Variants in RALYL observed in about 807,000 individuals in gnomAD.
RALYL encodes the protein RALY RNA binding protein like, also known as RNA-binding Raly-like protein.
In RALYL, 29 loss-of-function variants were observed where a neutral mutation model predicts 35.1. That is an observed-to-expected ratio of 0.83 (90% CI 0.61 to 1.13). The LOEUF (loss-of-function observed/expected upper bound fraction) is 1.13. RALYL is among the 50% of genes most tolerant of loss of function. RALYL has a pLI of 0.00. For missense variants in RALYL, 359 were observed against 360.4 expected, an observed-to-expected ratio of 1.00 and a Z score of 0.03; for synonymous variants, 120 against 127.6, an observed-to-expected ratio of 0.94 and a Z score of 0.40.
At chr8:84,326,466 G>A (rs1304202646) in intron 1 of RALYL, among the ~76,000 whole-genome samples, 1 of 152,102 alleles carries the variant, frequency 6.6e-6, no homozygotes, top group Admixed American at 6.5e-5. Flanking sequence ...TAACTTTCCT[G>A]AATTGAAGTA....
At chr8:84,640,226 A>T (rs78490290) in intron 2 of RALYL, among the ~76,000 whole-genome samples, 2 of 152,066 alleles carry the variant, frequency 1.3e-5, no homozygotes, top group Non-Finnish European at 2.9e-5. Flanking sequence ...ACAGGAGGTT[A>T]CATAGATGTA....
chr8:84,902,743 C>T (rs1490330891), intron 8 of RALYL, among the ~76,000 whole-genome samples: 2 of 152,154 alleles, frequency 1.3e-5, no homozygotes, highest in Non-Finnish European at 2.9e-5. Flanking sequence ...AGCCAAATCA[C>T]TGAGTCTCTG....
intron 2 of RALYL, among the ~76,000 whole-genome samples, chr8:84,674,066 G>T (rs1473188329): frequency 6.6e-6 from 1 of 151,964 alleles, no homozygotes; most frequent in East Asian, 1.9e-4. Context: ...GTGGTTTGTA[G>T]TTCACTTTGT....
At chr8:84,252,537 A>G (rs1469924493) in intron 1 of RALYL, among the ~76,000 whole-genome samples, 1 of 152,180 alleles carries the variant, frequency 6.6e-6, no homozygotes, top group Non-Finnish European at 1.5e-5. Flanking sequence ...AGGCATTCAT[A>G]TTCAACTATG....
At chr8:84,792,341 C>A (rs551813927) in intron 3 of RALYL, among the ~76,000 whole-genome samples, 1 of 152,080 alleles carries the variant, frequency 6.6e-6, no homozygotes, top group Non-Finnish European at 1.5e-5. Flanking sequence ...GGCCACCCAG[C>A]GGCCAATCTC....
At chr8:84,271,466 TTGTGTG>T (rs60994368) in intron 1 of RALYL, among the ~76,000 whole-genome samples, 4 of 143,562 alleles carry the variant, frequency 2.8e-5, no homozygotes, top group Non-Finnish European at 4.6e-5. Flanking sequence ...TAGAAAATAG[TTGTGTG>T]TGTGTGTGTG....
chr8:84,262,958 GT>G (rs1414689130), intron 1 of RALYL, among the ~76,000 whole-genome samples: 2 of 152,074 alleles, frequency 1.3e-5, no homozygotes, highest in Non-Finnish European at 2.9e-5. Flanking sequence ...AGTGTCTCTA[GT>G]TTTTTAATAA....
intron 2 of RALYL, among the ~76,000 whole-genome samples, chr8:84,674,422 T>C (rs1833820584): frequency 6.6e-6 from 1 of 152,156 alleles, no homozygotes; most frequent in Non-Finnish European, 1.5e-5. Context: ...TGAATAGAAA[T>C]GGTGAGAGAG....
intron 2 of RALYL, among the ~76,000 whole-genome samples, chr8:84,664,330 G>A (rs558372821): frequency 6.0e-5 from 7 of 116,444 alleles, no homozygotes; most frequent in South Asian, 5.2e-4. Context: ...TTTTGGTTCC[G>A]TATGAATTTT....
At chr8:84,623,459 AC>A (rs1313929248) in intron 2 of RALYL, among the ~76,000 whole-genome samples, 1 of 150,498 alleles carries the variant, frequency 6.6e-6, no homozygotes, top group Non-Finnish European at 1.5e-5. Context: ...AAAATATTTT[AC>A]CCCTTAGGTC....
intron 1 of RALYL, among the ~76,000 whole-genome samples, chr8:84,470,176 C>CT (rs2052521698): frequency 2.6e-5 from 4 of 152,084 alleles, no homozygotes; most frequent in Admixed American, 2.0e-4. Flanking sequence ...CCAAAACAAG[C>CT]TTTTTTATAA....
chr8:84,686,395 ATTGTTTGT>A (rs60501106), intron 2 of RALYL, among the ~76,000 whole-genome samples: 10 of 150,044 alleles, frequency 6.7e-5, no homozygotes, highest in African/African-American at 1.2e-4. Flanking sequence ...AATACATCAT[ATTGTTTGT>A]TTGTTTGTTT....
At chr8:84,741,943 T>TG (rs1347934743) in intron 2 of RALYL, among the ~76,000 whole-genome samples, 1 of 151,916 alleles carries the variant, frequency 6.6e-6, no homozygotes, top group East Asian at 1.9e-4. Context: ...CAGGGCCATT[T>TG]TTTTTTTTAT....
chr8:84,233,570 T>C (rs1825839146), intron 1 of RALYL, among the ~76,000 whole-genome samples: 1 of 152,148 alleles, frequency 6.6e-6, no homozygotes, highest in South Asian at 2.1e-4. Flanking sequence ...CTAGTACTGC[T>C]TCTTAGTCAC....
At chr8:84,833,910 A>G (rs1057088320) in intron 4 of RALYL, among the ~76,000 whole-genome samples, 1 of 151,458 alleles carries the variant, frequency 6.6e-6, no homozygotes, top group Non-Finnish European at 1.5e-5. Flanking sequence ...GATAAATGCT[A>G]AGCCTTCAGT....
chr8:84,279,668 C>CT (rs1307665000), intron 1 of RALYL, among the ~76,000 whole-genome samples: 2 of 151,998 alleles, frequency 1.3e-5, no homozygotes, highest in African/African-American at 2.4e-5. Flanking sequence ...CACTTTCTTG[C>CT]TTTTTTTCAG....
rs541670225 is a variant in RALYL, at chr8:84,663,807, G to T, written c.257-110772G>T. ...ATGATAGTTTCCTTTGCTGTGCAGA[G>T]CTCTTTAGTTTAATTAGCTCCCATT... is the stretch of plus-strand genomic sequence containing the variant. On this transcript the variant is annotated intron_variant, in intron 2 of 8. Transcript: ENST00000521268. Among the ~76,000 whole-genome samples the T allele has an allele frequency of 3.3e-5, 5 of 152,134 alleles. No individual in the cohort carries two copies. In the South Asian group the frequency reaches 1.0e-3, roughly 32 times the overall value.
chr8:84,841,372 G>T (rs1833283168), intron 4 of RALYL, among the ~76,000 whole-genome samples: 1 of 152,026 alleles, frequency 6.6e-6, no homozygotes, highest in Non-Finnish European at 1.5e-5. Flanking sequence ...AGACAAAGAA[G>T]GCCATTACAT....
intron 8 of RALYL, among the ~76,000 whole-genome samples, chr8:84,910,525 C>A (rs1033344727): frequency 1.3e-5 from 2 of 151,980 alleles, no homozygotes; most frequent in African/African-American, 4.8e-5. Flanking sequence ...AACAAAAAAT[C>A]TGTTACCATC....
Sources: gnomAD v4.1 joint callset for allele counts (sites outside exome capture counted in the v4.1 genomes callset) on GRCh38, gnomAD v4.1.1 for gene constraint, MANE v1.5 for transcripts, NCBI Gene and HGNC (gene_info 2026-07-23, HGNC 2026-07-21) for gene names.